Variants in BTD observed in about 807,000 individuals in gnomAD.
The protein encoded by BTD is biotinidase.
In BTD, 13 loss-of-function variants were observed where a neutral mutation model predicts 17.7. The observed-to-expected ratio is 0.74, with a 90% confidence interval of 0.48 to 1.17. The LOEUF (loss-of-function observed/expected upper bound fraction) is 1.17. Among genes scored for constraint, BTD ranks in the 50% most tolerant of loss-of-function variants. The pLI is 0.00. For missense variants in BTD, 674 were observed against 650.4 expected (o/e 1.04, Z -0.39); for synonymous variants, 240 against 245.2 (o/e 0.98, Z 0.20).
At chr3:15,643,791 GCA>G (rs2065603365) in intron 3 of BTD, among the ~76,000 whole-genome samples, 1 of 150,110 alleles carries the variant, frequency 6.7e-6, no homozygotes, top group Non-Finnish European at 1.5e-5. Flanking sequence ...GTACAATGGT[GCA>G]CACCTGTAGT....
chr3:15,610,109 A>C (rs2064571269), intron 1 of BTD, among the ~76,000 whole-genome samples: 1 of 152,212 alleles, frequency 6.6e-6, no homozygotes, highest in African/African-American at 2.4e-5. Flanking sequence ...GCTTAAAAGA[A>C]CCACCATTTA....
intron 3 of BTD, among the ~76,000 whole-genome samples, chr3:15,665,243 A>G (rs1375160355): frequency 1.3e-5 from 2 of 152,308 alleles, no homozygotes; most frequent in South Asian, 4.1e-4. Context: ...AAGGGAGAGC[A>G]CTAGATATCA....
chr3:15,688,803 C>T (rs919655198), intron 3 of BTD, among the ~76,000 whole-genome samples: 1 of 152,204 alleles, frequency 6.6e-6, no homozygotes, highest in African/African-American at 2.4e-5. Flanking sequence ...CGTATTTTAA[C>T]GTATCTGCTA....
At chr3:15,653,865 G>A (rs2065842487), downstream of BTD, among the ~76,000 whole-genome samples, 1 of 152,192 alleles carries the variant, frequency 6.6e-6, no homozygotes, top group Non-Finnish European at 1.5e-5. Flanking sequence ...AATTGTGGAG[G>A]ATGCAAAGTC....
intron 3 of BTD, among the ~76,000 whole-genome samples, chr3:15,673,896 A>G (rs2066633829): frequency 6.6e-6 from 1 of 152,088 alleles, no homozygotes; most frequent in African/African-American, 2.4e-5. Context: ...TAGTAAGGTC[A>G]TTTTAAGAAC....
chr3:15,669,794 A>G (rs2066178246), intron 3 of BTD: 1 of 152,900 alleles, frequency 6.5e-6, no homozygotes, highest in Non-Finnish European at 1.5e-5. Context: ...GTTTCCACAA[A>G]ATGGCATTTT....
At chr3:15,694,108 A>G (rs2069186909) in intron 3 of BTD, among the ~76,000 whole-genome samples, 1 of 152,154 alleles carries the variant, frequency 6.6e-6, no homozygotes, top group South Asian at 2.1e-4. Context: ...CTTTCTGTAC[A>G]GGAAGCTAGA....
At chr3:15,711,358 C>G in exon 4 of BTD, 1 of 1,188,936 alleles carries the variant, frequency 8.4e-7, no homozygotes, top group South Asian at 1.3e-5. Flanking sequence ...AGAATCACAT[C>G]CTCCCCTCCA....
intron 3 of BTD, chr3:15,690,356 A>G: frequency 1.4e-6 from 1 of 717,222 alleles, no homozygotes; most frequent in South Asian, 2.2e-5. Context: ...CTACATCGAG[A>G]ATTCAGGAAG....
intron 1 of BTD, chr3:15,602,445 C>T (rs572349286): frequency 6.0e-5 from 26 of 433,534 alleles, no homozygotes; most frequent in Non-Finnish European, 8.0e-5. Context: ...GCCCTGCACC[C>T]GATAGCCTTT....
intron 3 of BTD, among the ~76,000 whole-genome samples, chr3:15,642,454 CTTT>C (rs34597886): frequency 2.2e-5 from 3 of 135,760 alleles, no homozygotes; most frequent in Admixed American, 7.6e-5. Context: ...TTGACATCCT[CTTT>C]TTTTTTTTTT....
chr3:15,670,409 T>G, intron 3 of BTD: 1 of 1,613,900 alleles, frequency 6.2e-7, no homozygotes, highest in Non-Finnish European at 8.5e-7. Flanking sequence ...GCTGACTGTT[T>G]TTGAGGTGTT....
At chr3:15,717,856 C>T (rs552709185) in intron 4 of BTD, among the ~76,000 whole-genome samples, 2 of 152,168 alleles carry the variant, frequency 1.3e-5, no homozygotes, top group South Asian at 2.1e-4. Context: ...GAATTTATAA[C>T]CTTAGAAACT....
At chr3:15,691,551 T>C (rs1168277786) in intron 3 of BTD, among the ~76,000 whole-genome samples, 1 of 152,182 alleles carries the variant, frequency 6.6e-6, no homozygotes, top group Non-Finnish European at 1.5e-5. Flanking sequence ...AAGAAATAAA[T>C]AAACTTCAAA....
At chr3:15,679,267 GC>G (rs768781563) in intron 3 of BTD, 1 of 1,597,414 alleles carries the variant, frequency 6.3e-7, no homozygotes, top group Admixed American at 1.7e-5. Context: ...ACTGTGCCTG[GC>G]TAAAACTATT....
chr3:15,635,177 G>A lies in BTD; in HGVS notation c.-16-247G>A, dbSNP rs1316852993. Among the ~76,000 whole-genome samples the A allele has an allele frequency of 6.6e-6, 1 of 152,204 alleles. No homozygotes were observed. Among genetic ancestry groups the A allele is most frequent in the Non-Finnish European group, 1.5e-5 (1 of 68,046 alleles). On this transcript the variant is annotated intron_variant, in intron 1 of 3. Transcript: ENST00000643237. The surrounding 1 kb of genome is among the most constrained non-coding windows in gnomAD (Gnocchi z 4.1). ...ACTGGGTAAGAAAATCATAGCAAACGTTGAGTCTGTTTTGGAAATGTTCTA... is the reference window on the plus strand; with the variant it reads ...ACTGGGTAAGAAAATCATAGCAAACATTGAGTCTGTTTTGGAAATGTTCTA...
intron 3 of BTD, chr3:15,689,889 T>A (rs2068588861): frequency 2.6e-6 from 2 of 773,586 alleles, no homozygotes; most frequent in Admixed American, 2.9e-5. Flanking sequence ...GGTCAAATAA[T>A]CCATATATGA....
At chr3:15,703,937 A>G (rs1575259146) in intron 3 of BTD, among the ~76,000 whole-genome samples, 1 of 152,174 alleles carries the variant, frequency 6.6e-6, no homozygotes, top group Admixed American at 6.5e-5. Flanking sequence ...ACAGAGCAAT[A>G]TAACTGTTGA....
rs552703843 is a variant in BTD at position 15,611,806 on chromosome 3, T to C, written c.-17+9912T>C. 1.7e-3 allele frequency among the ~76,000 whole-genome samples: 253 copies of C among 150,290 alleles called. 2 individuals are homozygous for C. The highest frequency in any genetic ancestry group is 2.8e-3 in the Non-Finnish European group (189 of 66,826). On this transcript the variant is annotated intron_variant, in intron 1 of 3. Coordinates refer to ENST00000643237, the MANE Select transcript of BTD (RefSeq NM_001370658.1). ...AAAAAAAGAAAAAACAAATAATGTA[T>C]TTTTTTTCTAGGAAACTACTCGTCT...
Sources: gnomAD v4.1 joint callset for allele counts (sites outside exome capture counted in the v4.1 genomes callset) on GRCh38, gnomAD v4.1.1 for gene constraint, Gnocchi (gnomAD v3.1) non-coding constraint, MANE v1.5 for transcripts, NCBI Gene and HGNC (gene_info 2026-07-23, HGNC 2026-07-21) for gene names.